The following HYAL4 variants were observed in gnomAD, a reference collection of about 807,000 sequenced individuals.
HYAL4 encodes the protein hyaluronidase-4.
A neutral mutation model predicts 35.2 loss-of-function variants in HYAL4; 37 were observed. The ratio of observed to expected loss-of-function variants is 1.05; its 90% CI spans 0.81 to 1.38. The LOEUF is 1.38. Among genes scored for constraint, HYAL4 ranks in the 40% most tolerant of loss-of-function variants. The probability of loss-of-function intolerance (pLI) is 0.00; values close to 1 mark genes in which losing one functional copy is unlikely to be tolerated. For missense variants in HYAL4, 572 were observed against 572.4 expected (o/e 1.00, Z 0.01); for synonymous variants, 198 against 203.2 (o/e 0.97, Z 0.22).
At chr7:123,764,421 T>G in the HYAL4 span, among the ~76,000 whole-genome samples, 1 of 152,248 alleles carries the variant, frequency 6.6e-6, no homozygotes, top group South Asian at 2.1e-4. Flanking sequence ...TTTGTACTTA[T>G]CTGTCCCCTC....
chr7:123,815,707 A>G, the HYAL4 span, among the ~76,000 whole-genome samples: 1 of 152,308 alleles, frequency 6.6e-6, no homozygotes, highest in South Asian at 2.1e-4. Flanking sequence ...GTCACATAGG[A>G]CATTCTTGTA....
chr7:123,793,069 A>G, the HYAL4 span, among the ~76,000 whole-genome samples: 42 of 152,302 alleles, frequency 2.8e-4, no homozygotes, highest in African/African-American at 8.7e-4. Flanking sequence ...TCCTAAGACC[A>G]TGCAAAACAA....
At chr7:123,767,290 T>C in the HYAL4 span, among the ~76,000 whole-genome samples, 1 of 152,226 alleles carries the variant, frequency 6.6e-6, no homozygotes, top group African/African-American at 2.4e-5. Flanking sequence ...GGCAACAATT[T>C]AAGTGTAGTA....
the HYAL4 span, among the ~76,000 whole-genome samples, chr7:123,769,981 GT>G: frequency 3.2e-4 from 47 of 147,088 alleles, no homozygotes; most frequent in East Asian, 7.9e-4. Context: ...GCCAAGTAAA[GT>G]TTTTTTTTTT....
At chr7:123,794,220 A>C in the HYAL4 span, among the ~76,000 whole-genome samples, 6 of 152,288 alleles carry the variant, frequency 3.9e-5, no homozygotes, top group South Asian at 1.0e-3. Context: ...TGGTGGAAGA[A>C]CCATCTAAGT....
At chr7:123,868,140 T>A in intron 2 of HYAL4, 83 bp from the exon 3 acceptor site, 1 of 459,326 alleles carries the variant, frequency 2.2e-6, no homozygotes, top group Non-Finnish European at 3.8e-6. Flanking sequence ...TTACAAATAG[T>A]CATATATAAT....
At chr7:123,825,112 T>TTCTCTC (rs1195916528), upstream of HYAL4, among the ~76,000 whole-genome samples, 1 of 151,394 alleles carries the variant, frequency 6.6e-6, no homozygotes, top group African/African-American at 2.4e-5. Context: ...AAATCTCTCT[T>TTCTCTC]TCTCTCTCTC....
chr7:123,838,394 C>A (rs949151291), intron 1 of HYAL4, among the ~76,000 whole-genome samples: 1 of 151,880 alleles, frequency 6.6e-6, no homozygotes, highest in East Asian at 1.9e-4. Flanking sequence ...AATCATGCTA[C>A]GTATGGGCTT....
the HYAL4 span, among the ~76,000 whole-genome samples, chr7:123,807,937 T>TTA: frequency 2.0e-5 from 3 of 146,612 alleles, no homozygotes. Context: ...ATTATTATTA[T>TTA]TATTATTATT....
intron 2 of HYAL4, among the ~76,000 whole-genome samples, chr7:123,854,567 T>C (rs1448846205): frequency 6.6e-6 from 1 of 152,238 alleles, no homozygotes; most frequent in Non-Finnish European, 1.5e-5. Context: ...CTAATTTGAT[T>C]GGACTGTGGT....
At chr7:123,794,431 C>T in the HYAL4 span, among the ~76,000 whole-genome samples, 1 of 152,148 alleles carries the variant, frequency 6.6e-6, no homozygotes, top group Non-Finnish European at 1.5e-5. Context: ...TGTGGCAGCC[C>T]CTCCCATCAC....
chr7:123,831,463 G>C (rs1188112390), intron 1 of HYAL4, among the ~76,000 whole-genome samples: 1 of 152,056 alleles, frequency 6.6e-6, no homozygotes, highest in Non-Finnish European at 1.5e-5. Context: ...TAATATGATT[G>C]CTCCTTTGTT....
At chr7:123,772,800 G>C in the HYAL4 span, among the ~76,000 whole-genome samples, 1 of 152,176 alleles carries the variant, frequency 6.6e-6, no homozygotes, top group African/African-American at 2.4e-5. Flanking sequence ...TGTGCCTTTT[G>C]CCTCAAGTCA....
At chr7:123,763,880 C>T in the HYAL4 span, among the ~76,000 whole-genome samples, 3 of 152,240 alleles carry the variant, frequency 2.0e-5, no homozygotes, top group Non-Finnish European at 2.9e-5. Context: ...CTTGTAGTTC[C>T]CTGAACAGGC....
chr7:123,773,993 C>T, the HYAL4 span, among the ~76,000 whole-genome samples: 4 of 152,008 alleles, frequency 2.6e-5, no homozygotes, highest in African/African-American at 4.8e-5. Context: ...GACATGGTCT[C>T]GCATGTTTAA....
intron 2 of HYAL4, among the ~76,000 whole-genome samples, chr7:123,867,311 G>C (rs1465584653): frequency 2.0e-5 from 3 of 152,172 alleles, no homozygotes; most frequent in Non-Finnish European, 1.5e-5. Flanking sequence ...GGGAAGAAAA[G>C]TAACTATGTG....
At chr7:123,778,416 C>T in the HYAL4 span, among the ~76,000 whole-genome samples, 1 of 152,016 alleles carries the variant, frequency 6.6e-6, no homozygotes, top group Non-Finnish European at 1.5e-5. Context: ...TTCAAGATCA[C>T]GTCTTACATT....
At chr7:123,852,110 T>G (rs1806318370) in intron 2 of HYAL4, among the ~76,000 whole-genome samples, 1 of 152,194 alleles carries the variant, frequency 6.6e-6, no homozygotes, top group Non-Finnish European at 1.5e-5. Context: ...TATAAATTTG[T>G]TAAGTTCCTT....
chr7:123,832,395 A>G (rs531846126), intron 1 of HYAL4, among the ~76,000 whole-genome samples: 8 of 148,670 alleles, frequency 5.4e-5, no homozygotes, highest in African/African-American at 2.0e-4. Context: ...CCGAGCAGTA[A>G]TCACTGAACC....
Sources: gnomAD v4.1 joint callset for allele counts (sites outside exome capture counted in the v4.1 genomes callset) on GRCh38, gnomAD v4.1.1 for gene constraint, MANE v1.5 for transcripts, NCBI Gene and HGNC (gene_info 2026-07-23, HGNC 2026-07-21) for gene names.